DAAM1: variants seen among roughly 807,000 people sequenced by gnomAD.
The protein encoded by DAAM1 is dishevelled associated activator of morphogenesis 1, also known as disheveled-associated activator of morphogenesis 1.
In DAAM1, 52 loss-of-function variants were observed where a neutral mutation model predicts 130.0. The observed-to-expected ratio is 0.40, with a 90% CI of 0.32 to 0.50. The LOEUF (loss-of-function observed/expected upper bound fraction) is 0.50, where lower values mean the gene tolerates loss of function less well. DAAM1 is among the 20% of genes least tolerant of loss of function. The probability of loss-of-function intolerance (pLI) is 0.61; values close to 1 mark genes in which losing one functional copy is unlikely to be tolerated. For missense variants in DAAM1, 1,134 were observed against 1,303.8 expected (o/e 0.87, Z 2.01); for synonymous variants, 452 against 444.5 (o/e 1.02, Z -0.21).
intron 3 of DAAM1, among the ~76,000 whole-genome samples, chr14:59,307,000 G>T (rs1884402770): frequency 6.6e-6 from 1 of 152,192 alleles, no homozygotes; most frequent in African/African-American, 2.4e-5. Flanking sequence ...CTGGAGCAGA[G>T]TATTAGTCAT....
In DAAM1 at chr14:59,367,503, T is replaced by A; in HGVS notation, c.2901T>A (p.Asp967Glu). The change falls in exon 24 of 25, where the codon GAT becomes GAA. Residue 967 changes from aspartate (D) to glutamate (E), a missense_variant. Physicochemically the swap from Asp to Glu is conservative, Grantham distance 45. This residue lies in a region of DAAM1 where 644 missense variants were observed against 695.9 expected (regional missense o/e 0.93). Transcript: ENST00000360909. The part of the protein sequence containing the change: ...IQPDEFFGIF[D>E]QFLQAVSEAK... Reference sequence around the variant, plus strand: ...CAGATGAGTTCTTTGGCATTTTTGATCAATTTCTTCAAGCTGTGTCAGAAG... The same window carrying A: ...CAGATGAGTTCTTTGGCATTTTTGAACAATTTCTTCAAGCTGTGTCAGAAG... The A allele has an allele frequency of 6.2e-7, 1 of 1,613,930 alleles. No homozygotes were observed. Among genetic ancestry groups the A allele is most frequent in the Non-Finnish European group, 8.5e-7 (1 of 1,179,914 alleles).
Position 59,323,270 on chromosome 14 carries a change from C to T in DAAM1, c.774+45C>T, listed in dbSNP as rs199631642. ...TCTTCACTCACCCCTTCTTTAAAGT[C>T]TGCTCAAACACGTGCTTTTCCTGTC... On this transcript the variant is annotated intron_variant, in intron 6 of 24. Transcript: ENST00000360909. 456 of 1,512,406 alleles carry T rather than the reference C, an allele frequency of 3.0e-4. 1 individual carries two copies. Among genetic ancestry groups the T allele is most frequent in the South Asian group, 5.7e-4 (43 of 76,078 alleles). The allele number at this position is 1,512,406 out of a possible 1,614,324, so 93.7% of individuals were successfully genotyped here.
Position 59,315,330 on chromosome 14 carries a change from T to A in DAAM1, c.324T>A (p.Asp108Glu). 6.2e-7 allele frequency: 1 copy of A among 1,614,030 alleles called. No homozygotes were observed. Among genetic ancestry groups the A allele is most frequent in the Non-Finnish European group, 8.5e-7 (1 of 1,179,946 alleles). Reference protein sequence around the residue: ...GATSWPEFYIDQLNSMAARKS... With the variant: ...GATSWPEFYIEQLNSMAARKS... ...CAAGTTGGCCTGAATTCTACATTGA[T>A]CAGCTCAATTCCATGGCTGCTGTAA... The change falls in exon 4 of 25, where the codon GAT becomes GAA. Residue 108 changes from aspartate (D) to glutamate (E), a missense_variant. Coordinates refer to ENST00000360909, the MANE Select transcript of DAAM1 (RefSeq NM_001270520.2).
chr14:59,228,236 A>G (rs1420181897), intron 1 of DAAM1, among the ~76,000 whole-genome samples: 1 of 152,084 alleles, frequency 6.6e-6, no homozygotes, highest in Non-Finnish European at 1.5e-5. Context: ...ATCTTTCTTT[A>G]TGGAAAAAAA....
chr14:59,338,930 G>A (rs537121293), intron 15 of DAAM1, among the ~76,000 whole-genome samples: 2 of 152,208 alleles, frequency 1.3e-5, no homozygotes, highest in African/African-American at 2.4e-5. Context: ...TTGCAGTCAC[G>A]TCACTACAAA....
At chr14:59,358,008 G>C (rs1022920413) in intron 20 of DAAM1, among the ~76,000 whole-genome samples, 1 of 152,276 alleles carries the variant, frequency 6.6e-6, no homozygotes, top group South Asian at 2.1e-4. Context: ...GGAATACTGG[G>C]GTTTAGCATT....
intron 1 of DAAM1, among the ~76,000 whole-genome samples, chr14:59,207,588 G>A (rs957326287): frequency 2.6e-5 from 4 of 152,258 alleles, no homozygotes; most frequent in East Asian, 1.9e-4. Context: ...GTATTAAAGC[G>A]CCTCAAAAAT....
intron 2 of DAAM1, among the ~76,000 whole-genome samples, chr14:59,287,781 C>T (rs1349059755): frequency 1.3e-5 from 2 of 152,076 alleles, no homozygotes; most frequent in African/African-American, 4.8e-5. Flanking sequence ...GCAACATAAA[C>T]AAATGGAAAA....
Position 59,221,356 on chromosome 14 carries a change from A to G in DAAM1, c.-38+32588A>G, listed in dbSNP as rs1336683495. On this transcript the variant is annotated intron_variant, in intron 1 of 24. Coordinates refer to ENST00000360909, the MANE Select transcript of DAAM1 (RefSeq NM_001270520.2). ...TTTATATACACACAAACGTATTCATAACAAAATAGGGAGGAAATACTCATG... is the reference window on the plus strand; with the variant it reads ...TTTATATACACACAAACGTATTCATGACAAAATAGGGAGGAAATACTCATG... 5.9e-5 allele frequency among the ~76,000 whole-genome samples: 9 copies of G among 152,384 alleles called. No individual in the cohort carries two copies. The South Asian group carries it at 8.3e-4, about 14-fold the overall frequency.
At chr14:59,325,926 A>C in intron 9 of DAAM1, 34 bp from the exon 10 acceptor site, 1 of 1,596,522 alleles carries the variant, frequency 6.3e-7, no homozygotes, top group Non-Finnish European at 8.6e-7. Flanking sequence ...AGGAACTTAG[A>C]TGTTTGATTT....
At chr14:59,229,925 C>A (rs151237363) in intron 1 of DAAM1, among the ~76,000 whole-genome samples, 1 of 152,190 alleles carries the variant, frequency 6.6e-6, no homozygotes, top group Non-Finnish European at 1.5e-5. Flanking sequence ...TCTCCCACCA[C>A]CACCCATCTT....
intron 2 of DAAM1, among the ~76,000 whole-genome samples, chr14:59,269,340 C>T (rs188369714): frequency 2.1e-4 from 32 of 152,340 alleles, no homozygotes; most frequent in Admixed American, 6.5e-4. Flanking sequence ...GGAACATGCA[C>T]AGCTCAGTAC....
chr14:59,299,432 G>A (rs867495824), intron 3 of DAAM1, among the ~76,000 whole-genome samples: 3 of 152,148 alleles, frequency 2.0e-5, no homozygotes, highest in Non-Finnish European at 4.4e-5. Context: ...AGAGAGCTTG[G>A]AGGCATGGTA....
chr14:59,268,364 C>T (rs543754637), intron 2 of DAAM1, among the ~76,000 whole-genome samples: 41 of 152,286 alleles, frequency 2.7e-4, no homozygotes, highest in Middle Eastern at 3.4e-3. Flanking sequence ...TATGTAGGAG[C>T]GGAATTAACT....
At chr14:59,309,904 C>A (rs776718919) in intron 3 of DAAM1, among the ~76,000 whole-genome samples, 1 of 152,186 alleles carries the variant, frequency 6.6e-6, no homozygotes, top group East Asian at 1.9e-4. Flanking sequence ...TATGTTGGCA[C>A]CTATTCTCTA....
At chr14:59,203,035 A>G (rs1270672) in intron 1 of DAAM1, among the ~76,000 whole-genome samples, 27,566 of 150,236 alleles carry the variant, frequency 0.18, 2,985 homozygotes, top group African/African-American at 0.29. Flanking sequence ...TCTGTCACCC[A>G]GGCTGGAGTG....
intron 2 of DAAM1, among the ~76,000 whole-genome samples, chr14:59,288,019 C>G (rs1006262564): frequency 6.6e-6 from 1 of 152,170 alleles, no homozygotes; most frequent in Non-Finnish European, 1.5e-5. Context: ...CAACTTCAAA[C>G]TATACAGCAA....
intron 3 of DAAM1, among the ~76,000 whole-genome samples, chr14:59,298,773 T>C (rs1884055882): frequency 1.3e-5 from 2 of 152,222 alleles, no homozygotes; most frequent in African/African-American, 4.8e-5. Context: ...TTCCTTTGTT[T>C]AATGATACCA....
At chr14:59,288,498 T>C (rs1883561573) in intron 2 of DAAM1, among the ~76,000 whole-genome samples, 1 of 152,066 alleles carries the variant, frequency 6.6e-6, no homozygotes, top group South Asian at 2.1e-4. Flanking sequence ...TCAGAGACAA[T>C]ATTTGCAAAG....
Sources: allele counts gnomAD v4.1 joint callset (sites outside exome capture counted in the v4.1 genomes callset), GRCh38; gene constraint gnomAD v4.1.1; regional missense constraint gnomAD v4.1.1; transcripts MANE v1.5; gene names NCBI Gene and HGNC (gene_info 2026-07-23, HGNC 2026-07-21).